Variants in TENM1 observed in about 807,000 individuals in gnomAD.
TENM1 encodes teneurin-1.
TENM1 carries 35 observed loss-of-function variants against 174.8 expected under a neutral mutation model. The observed-to-expected ratio is 0.20, with a 90% CI of 0.15 to 0.27. TENM1 has a LOEUF of 0.27. TENM1 is among the 10% of genes least tolerant of loss of function. The probability of loss-of-function intolerance (pLI) is 1.00; values close to 1 mark genes in which losing one functional copy is unlikely to be tolerated. For missense variants in TENM1, 1,633 were observed against 2,130.1 expected (o/e 0.77, Z 4.59); for synonymous variants, 781 against 798.7 (o/e 0.98, Z 0.37).
At chrX:124,808,205 G>A (rs765118870) in intron 3 of TENM1, among the ~76,000 whole-genome samples, 1 of 111,449 alleles carries the variant, frequency 9.0e-6, no homozygotes, top group African/African-American at 3.3e-5. Flanking sequence ...TAAAATAGAC[G>A]TTAAGGAAAA....
intron 19 of TENM1, among the ~76,000 whole-genome samples, chrX:124,499,810 T>C (rs2047286260): frequency 8.9e-6 from 1 of 111,874 alleles, no homozygotes; most frequent in Non-Finnish European, 1.9e-5. Context: ...GATATGTTCT[T>C]TAATAAATGA....
At chrX:125,165,199 C>T in the TENM1 span, among the ~76,000 whole-genome samples, 2 of 111,498 alleles carry the variant, frequency 1.8e-5, no homozygotes, top group African/African-American at 6.5e-5. Context: ...AGGATGGAAA[C>T]GACACAGGAG....
chrX:124,930,902 G>A (rs1475004318), intron 1 of TENM1, among the ~76,000 whole-genome samples: 2 of 111,634 alleles, frequency 1.8e-5, no homozygotes, highest in Non-Finnish European at 3.8e-5. Context: ...AATTCTCTCA[G>A]CTGCTTTAAT....
the TENM1 span, among the ~76,000 whole-genome samples, chrX:125,155,356 C>G: frequency 1.7e-4 from 19 of 111,899 alleles, no homozygotes; most frequent in African/African-American, 6.2e-4. Context: ...CTGAGCTAGA[C>G]ATAAAGGTTC....
At chrX:124,664,578 A>C (rs2051699697) in intron 6 of TENM1, among the ~76,000 whole-genome samples, 1 of 104,169 alleles carries the variant, frequency 9.6e-6, no homozygotes, top group African/African-American at 3.5e-5. Context: ...ACATACACAC[A>C]CAAACACACC....
chrX:124,788,298 G>A (rs2055091065), intron 3 of TENM1, among the ~76,000 whole-genome samples: 1 of 111,061 alleles, frequency 9.0e-6, no homozygotes, highest in South Asian at 3.9e-4. Context: ...AATTATGGGA[G>A]CTACAATATG....
intron 3 of TENM1, among the ~76,000 whole-genome samples, chrX:124,753,204 G>A (rs1230701425): frequency 3.6e-4 from 39 of 109,775 alleles, no homozygotes; most frequent in East Asian, 2.3e-3. Context: ...GGTCCTTCAC[G>A]TCCCTTGTAA....
At chrX:124,542,421 ATTT>A (rs58957662) in intron 15 of TENM1, among the ~76,000 whole-genome samples, 1 of 95,775 alleles carries the variant, frequency 1.0e-5, no homozygotes. Flanking sequence ...ATCTTGTTTC[ATTT>A]TTTTTTTTTT....
chrX:124,608,737 G>C (rs1002510982), intron 11 of TENM1, among the ~76,000 whole-genome samples: 3 of 109,004 alleles, frequency 2.8e-5, no homozygotes, highest in African/African-American at 1.0e-4. Flanking sequence ...ACTGAGCTCA[G>C]ATTAATAGTC....
Position 124,906,803 on chromosome X carries a change from GA to G in TENM1, c.218-10563del, listed in dbSNP as rs1444959882. Among the ~76,000 whole-genome samples the G allele has an allele frequency of 2.7e-5, 3 of 111,680 alleles. No individual in the cohort carries two copies. In the East Asian group the frequency reaches 8.4e-4, roughly 31 times the overall value. On this transcript the variant is annotated intron_variant, in intron 1 of 31. Coordinates refer to ENST00000422452, the Ensembl canonical transcript of TENM1. Reference sequence around the variant, plus strand: ...ATCAAGATAATTATGCTGAGTTAAAGAGGCCAAATAAAAAGTCTACATACTG... The same window carrying G: ...ATCAAGATAATTATGCTGAGTTAAAGGGCCAAATAAAAAGTCTACATACTG...
At chrX:124,893,708 G>C (rs185382034) in intron 3 of TENM1, among the ~76,000 whole-genome samples, 2 of 111,410 alleles carry the variant, frequency 1.8e-5, no homozygotes, top group Admixed American at 1.9e-4. Flanking sequence ...ACACAATGAA[G>C]GCAAAAGTAA....
intron 3 of TENM1, among the ~76,000 whole-genome samples, chrX:124,756,204 T>C (rs772131069): frequency 9.8e-6 from 1 of 101,752 alleles, no homozygotes; most frequent in Non-Finnish European, 1.9e-5. Context: ...ATTTTTTTTT[T>C]CTCTAAACTT....
chrX:125,155,665 C>A, the TENM1 span, among the ~76,000 whole-genome samples: 4 of 25,095 alleles, frequency 1.6e-4, no homozygotes, highest in Non-Finnish European at 2.8e-4. Context: ...AGCGCAGCAC[C>A]GGTGGGCCGG....
intron 1 of TENM1, among the ~76,000 whole-genome samples, chrX:124,924,343 A>T (rs2058063502): frequency 8.9e-6 from 1 of 111,853 alleles, no homozygotes; most frequent in Non-Finnish European, 1.9e-5. Context: ...AACAGATAAC[A>T]TGAGGATTGG....
the TENM1 span, among the ~76,000 whole-genome samples, chrX:124,990,923 T>C: frequency 9.0e-6 from 1 of 111,293 alleles, no homozygotes; most frequent in African/African-American, 3.3e-5. Context: ...CTCACTTAAG[T>C]AGCAAACTCC....
chrX:124,564,506 G>T (rs56126320), intron 12 of TENM1, among the ~76,000 whole-genome samples: 1 of 110,955 alleles, frequency 9.0e-6, no homozygotes, highest in Non-Finnish European at 1.9e-5. Context: ...AATTTTCTGT[G>T]TAGTCAAGGA....
intron 9 of TENM1, 78 bp downstream of exon 12, chrX:124,646,631 A>G: frequency 1.4e-6 from 1 of 721,929 alleles, no homozygotes; most frequent in Admixed American, 2.6e-5. Flanking sequence ...GTTACTTACT[A>G]TGACTATTAC....
Position 124,774,076 on chromosome X carries a change from T to A in TENM1, c.536-36879A>T, listed in dbSNP as rs138422917. Among the ~76,000 whole-genome samples, 47 of 112,137 alleles carry A rather than the reference T, an allele frequency of 4.2e-4. 4 individuals carry two copies. In the East Asian group the frequency reaches 0.013, roughly 31 times the overall value. ...AACTATAAGATTAGGTCCCTAAGAA[T>A]TTCAGATAACACAGCTCTTGTTTAG... is the stretch of plus-strand genomic sequence containing the variant. On this transcript the variant is annotated intron_variant, in intron 3 of 31. Transcript: ENST00000422452.
At chrX:124,541,332 A>G (rs149739790) in intron 15 of TENM1, among the ~76,000 whole-genome samples, 5,803 of 111,991 alleles carry the variant, frequency 0.052, 152 homozygotes, top group South Asian at 0.11. Flanking sequence ...ATGGGGATGG[A>G]TTTCTCGTGA....
Sources: gnomAD v4.1 joint callset for allele counts (sites outside exome capture counted in the v4.1 genomes callset) on GRCh38, gnomAD v4.1.1 for gene constraint, MANE v1.5 for transcripts, NCBI Gene and HGNC (gene_info 2026-07-23, HGNC 2026-07-21) for gene names.